The following GPR3 variants were observed in gnomAD, a reference collection of about 807,000 sequenced individuals.
GPR3 encodes the protein G protein-coupled receptor 3.
Under a neutral mutation model 18.2 loss-of-function variants are expected in GPR3, and 16 were observed. That is an observed-to-expected ratio of 0.88 (90% CI 0.60 to 1.34). GPR3 has a LOEUF of 1.34. Among genes scored for constraint, GPR3 ranks in the 40% most tolerant of loss-of-function variants. The pLI is 0.00. For missense variants in GPR3, 326 were observed against 427.6 expected (o/e 0.76, Z 2.10); for synonymous variants, 183 against 188.9 (o/e 0.97, Z 0.26).
Position 27,395,024 on chromosome 1 carries a change from AGCTGGG to A in GPR3, c.*234_*239del, listed in dbSNP as rs3838399. ...TCTACTCAGAAATGTCTCACAGCCC[AGCTGGG>A]TTGCAATTCCAGAATGCTGGGAGTT... On this transcript the variant is annotated 3_prime_UTR_variant, in exon 2 of 2. Transcript: ENST00000374024. 195 of 515,192 alleles carry A rather than the reference AGCTGGG, an allele frequency of 3.8e-4. No individual in the cohort carries two copies. The East Asian group carries it at 5.9e-3, about 16-fold the overall frequency. The allele number at this position is 515,192 out of a possible 1,614,324, so 31.9% of individuals were successfully genotyped here. A position where few individuals can be genotyped will look rare whatever the true frequency, so the allele number is the denominator to read the frequency against.
intron 1 of GPR3, among the ~76,000 whole-genome samples, chr1:27,393,580 G>T (rs1476182460): frequency 6.6e-6 from 1 of 152,178 alleles, no homozygotes; most frequent in South Asian, 2.1e-4. Flanking sequence ...TCCCCAGGAA[G>T]AGACCCCTGT....
In GPR3 at chr1:27,395,627, C is replaced by G. The variant is rs2148086623; in HGVS notation, c.*836C>G. 6.0e-6 allele frequency: 1 copy of G among 167,228 alleles called. No individual in the cohort carries two copies. The highest frequency in any genetic ancestry group is 2.1e-4 in the South Asian group (1 of 4,830). 10.4% of individuals were successfully genotyped at this position (167,228 alleles called of 1,614,324 possible). On this transcript the variant is annotated 3_prime_UTR_variant, in exon 2 of 2. Coordinates refer to ENST00000374024, the MANE Select transcript of GPR3 (RefSeq NM_005281.4). ...GGCAGCTGGGACCAGAATGCAACCCCAGCTCCACTCCAGCCTGGCGTCCAG... is the reference window on the plus strand; with the variant it reads ...GGCAGCTGGGACCAGAATGCAACCCGAGCTCCACTCCAGCCTGGCGTCCAG...
In GPR3 at chr1:27,392,662, G is replaced by A. The variant is rs1571106134; in HGVS notation, c.-81G>A. 6.6e-6 allele frequency: 1 copy of A among 152,060 alleles called. No homozygotes were observed. Among genetic ancestry groups the A allele is most frequent in the Admixed American group, 6.5e-5 (1 of 15,272 alleles). The allele number at this position is 152,060 out of a possible 1,614,324, so 9.4% of individuals were successfully genotyped here. A position where few individuals can be genotyped will look rare whatever the true frequency, so the allele number is the denominator to read the frequency against. ...TCTCCCGCGGCCGCGGGGGCTTCTC[G>A]GGGTCCACGCACGCCCTGCGCCGCC... On this transcript the variant is annotated 5_prime_UTR_variant, in exon 1 of 2. Coordinates refer to ENST00000374024, the MANE Select transcript of GPR3 (RefSeq NM_005281.4).
At position 27,392,727 on chromosome 1, in the gene GPR3, G is replaced by C. The variant is rs929237974; in HGVS notation, c.-16G>C. On this transcript the variant is annotated 5_prime_UTR_variant, in exon 1 of 2. Coordinates refer to ENST00000374024, the MANE Select transcript of GPR3 (RefSeq NM_005281.4). ...GCCTCCCCGCGGCCCGGCCGCGCCTGGTCCTGAGCGGTGAGTAGCGGGCCC... is the reference window on the plus strand; with the variant it reads ...GCCTCCCCGCGGCCCGGCCGCGCCTCGTCCTGAGCGGTGAGTAGCGGGCCC... 6.6e-6 allele frequency: 1 copy of C among 152,138 alleles called. No individual in the cohort carries two copies. The highest frequency in any genetic ancestry group is 2.4e-5 in the African/African-American group (1 of 41,446). 9.4% of individuals were successfully genotyped at this position (152,138 alleles called of 1,614,324 possible).
At position 27,395,247 on chromosome 1, in the gene GPR3, T is replaced by C. The variant is rs1174474399; in HGVS notation, c.*456T>C. 5.8e-6 allele frequency: 1 copy of C among 172,642 alleles called. No individual in the cohort carries two copies. Among genetic ancestry groups the C allele is most frequent in the African/African-American group, 2.4e-5 (1 of 41,510 alleles). 10.7% of individuals were successfully genotyped at this position (172,642 alleles called of 1,614,324 possible). A position where few individuals can be genotyped will look rare whatever the true frequency, so the allele number is the denominator to read the frequency against. ...TATTTATGATTGATTTATTTATTTA[T>C]AAATTTACTTATGGGTGGTAAGGGG... On this transcript the variant is annotated 3_prime_UTR_variant, in exon 2 of 2. Transcript: ENST00000374024.
At chr1:27,393,629 T>C (rs1459771991) in intron 1 of GPR3, among the ~76,000 whole-genome samples, 165 bp from the exon 2 acceptor site, 1 of 152,096 alleles carries the variant, frequency 6.6e-6, no homozygotes, top group African/African-American at 2.4e-5. Flanking sequence ...AGCGGTATCC[T>C]GGGAAGAGCC....
rs1316710052 is a variant in GPR3, at chr1:27,394,339, C to T, written c.541C>T (p.Leu181=). Residue 181 remains leucine (L), a synonymous_variant, in exon 2 of 2, where the codon CTG becomes TTG. Transcript: ENST00000374024. ...PVLAWNCLDG[L]TTCGVVYPLS... ...GCTGGCCTGGAACTGCCTGGATGGC[C>T]TGACCACATGTGGCGTGGTTTATCC... 1.2e-6 allele frequency: 2 copies of T among 1,613,930 alleles called. No homozygotes were observed. Among genetic ancestry groups the T allele is most frequent in the Non-Finnish European group, 1.7e-6 (2 of 1,180,042 alleles).
In GPR3 at chr1:27,394,490, G is replaced by T. The variant is rs762625254; in HGVS notation, c.692G>T (p.Arg231Leu). 6.2e-7 allele frequency: 1 copy of T among 1,613,956 alleles called. No individual in the cohort carries two copies. The highest frequency in any genetic ancestry group is 8.5e-7 in the Non-Finnish European group (1 of 1,180,040). The change falls in exon 2 of 2, where the codon CGG (arginine) becomes CTG (leucine). Residue 231 changes from arginine (R) to leucine (L), a missense_variant. Physicochemically the swap from Arg to Leu is moderately radical, Grantham distance 102. Coordinates refer to ENST00000374024, the MANE Select transcript of GPR3 (RefSeq NM_005281.4). The part of the protein sequence containing the change: ...CRHAQQIALQ[R>L]HLLPASHYVA... ...CATGCCCAGCAGATTGCCCTTCAGC[G>T]GCACCTGCTGCCTGCCTCCCACTAT...
rs1286074547 is a variant in GPR3 at position 27,394,959 on chromosome 1, AGCTG to A, written c.*172_*175del. ...TCTGTTCAGATCCCTATGGGGGCCC[AGCTG>A]GCTCCACGGTTCCAGAATGTTCAGG... On this transcript the variant is annotated 3_prime_UTR_variant, in exon 2 of 2. Coordinates refer to ENST00000374024, the MANE Select transcript of GPR3 (RefSeq NM_005281.4). 1 of 676,814 alleles carries A rather than the reference AGCTG, an allele frequency of 1.5e-6. No individual in the cohort carries two copies. The highest frequency in any genetic ancestry group is 2.5e-6 in the Non-Finnish European group (1 of 394,408). The allele number at this position is 676,814 out of a possible 1,614,324, so 41.9% of individuals were successfully genotyped here.
intron 1 of GPR3, 111 bp from the exon 2 acceptor site, chr1:27,393,683 T>C: frequency 1.1e-6 from 1 of 884,452 alleles, no homozygotes; most frequent in Non-Finnish European, 1.7e-6. Context: ...CCCTATCAGG[T>C]ATCCTGAGGA....
At position 27,395,096 on chromosome 1, in the gene GPR3, A is replaced by C; in HGVS notation, c.*305A>C. 2.5e-6 allele frequency: 1 copy of C among 401,176 alleles called. No homozygotes were observed. 24.9% of individuals were successfully genotyped at this position (401,176 alleles called of 1,614,324 possible). On this transcript the variant is annotated 3_prime_UTR_variant, in exon 2 of 2. Coordinates refer to ENST00000374024, the MANE Select transcript of GPR3 (RefSeq NM_005281.4). Reference sequence around the variant, plus strand: ...AAGTCCCAGATGTCCCTCTTCCCCCAAACTTGACCTTGACCATGTCACTTT... The same window carrying C: ...AAGTCCCAGATGTCCCTCTTCCCCCCAACTTGACCTTGACCATGTCACTTT...
chr1:27,393,190 A>G (rs1200951956), intron 1 of GPR3, among the ~76,000 whole-genome samples: 1 of 127,708 alleles, frequency 7.8e-6, no homozygotes, highest in Admixed American at 9.2e-5. Context: ...TTCAGGCGGA[A>G]AGAAGGGTCC....
In GPR3 at chr1:27,394,353, C is replaced by T. The variant is rs143627824; in HGVS notation, c.555C>T (p.Gly185=). 6.2e-6 allele frequency: 10 copies of T among 1,613,850 alleles called. No individual in the cohort carries two copies. The highest frequency in any genetic ancestry group is 1.1e-5 in the South Asian group (1 of 91,088). ...WNCLDGLTTC[G]VVYPLSKNHL... Reference sequence around the variant, plus strand: ...GCCTGGATGGCCTGACCACATGTGGCGTGGTTTATCCACTCTCCAAGAACC... The same window carrying T: ...GCCTGGATGGCCTGACCACATGTGGTGTGGTTTATCCACTCTCCAAGAACC... The change falls in exon 2 of 2, where the codon GGC becomes GGT. Residue 185 remains glycine, a synonymous_variant. Coordinates refer to ENST00000374024, the MANE Select transcript of GPR3 (RefSeq NM_005281.4).
Position 27,393,792 on chromosome 1 carries a change from A to G in GPR3, c.-5-2A>G. On this transcript the variant is annotated splice_acceptor_variant, in intron 1 of 1. Transcript: ENST00000374024. LOFTEE classifies it low-confidence loss of function (5UTR_SPLICE). ...GCTTCTCACAAGGCCTTTCTCCTGC[A>G]GGTACCATGATGTGGGGTGCAGGCA... The G allele has an allele frequency of 6.5e-7, 1 of 1,526,986 alleles. No homozygotes were observed. Among genetic ancestry groups the G allele is most frequent in the Non-Finnish European group, 8.8e-7 (1 of 1,136,648 alleles). 94.6% of individuals were successfully genotyped at this position (1,526,986 alleles called of 1,614,324 possible).
Position 27,393,805 on chromosome 1 carries a change from T to TG in GPR3, c.11dup (p.Ala5CysfsTer37). 6.5e-7 allele frequency: 1 copy of TG among 1,533,332 alleles called. No individual in the cohort carries two copies. The highest frequency in any genetic ancestry group is 8.8e-7 in the Non-Finnish European group (1 of 1,139,358). The allele number at this position is 1,533,332 out of a possible 1,614,324, so 95.0% of individuals were successfully genotyped here. A position where few individuals can be genotyped will look rare whatever the true frequency, so the allele number is the denominator to read the frequency against. Reference sequence around the variant, plus strand: ...CCTTTCTCCTGCAGGTACCATGATGTGGGGTGCAGGCAGCCCTCTGGCCTG... The same window carrying TG: ...CCTTTCTCCTGCAGGTACCATGATGTGGGGGTGCAGGCAGCCCTCTGGCCTG... On this transcript the variant is annotated frameshift_variant, in exon 2 of 2. Coordinates refer to ENST00000374024, the MANE Select transcript of GPR3 (RefSeq NM_005281.4). LOFTEE classifies it high-confidence loss of function.
rs1247535324 is a variant in GPR3 at position 27,395,209 on chromosome 1, CAA to C, written c.*420_*421del. 5.2e-6 allele frequency: 1 copy of C among 192,636 alleles called. No individual in the cohort carries two copies. The highest frequency in any genetic ancestry group is 1.2e-5 in the Non-Finnish European group (1 of 83,796). 11.9% of individuals were successfully genotyped at this position (192,636 alleles called of 1,614,324 possible). A position where few individuals can be genotyped will look rare whatever the true frequency, so the allele number is the denominator to read the frequency against. On this transcript the variant is annotated 3_prime_UTR_variant, in exon 2 of 2. Transcript: ENST00000374024. ...GAGAAAGATTATATATGCACATATA[CAA>C]AGACAGTGTCTATTTATGATTGATT...
Position 27,393,882 on chromosome 1 carries a change from G to A in GPR3, c.84G>A (p.Glu28=). Residue 28 remains glutamate (E), a synonymous_variant, in exon 2 of 2, where the codon GAG becomes GAA. Transcript: ENST00000374024. ...ATGTAAGCAGCGTGGGCCCAGCAGA[G>A]GGGCCCACAGGTCCAGCCGCACCAC... The part of the protein sequence containing the change: ...NVNVSSVGPA[E]GPTGPAAPLP... The A allele has an allele frequency of 6.2e-7, 1 of 1,606,388 alleles. No homozygotes were observed. Among genetic ancestry groups the A allele is most frequent in the Non-Finnish European group, 8.5e-7 (1 of 1,175,886 alleles).
Position 27,393,130 on chromosome 1 carries a change from A to C in GPR3, c.-6+393A>C, listed in dbSNP as rs1300724590. Among the ~76,000 whole-genome samples the C allele has an allele frequency of 2.0e-5, 3 of 150,070 alleles. No individual in the cohort carries two copies. The Admixed American group carries it at 2.0e-4, about 10-fold the overall frequency. Reference sequence around the variant, plus strand: ...GTGTCCGGGCAGAAGGAGGCATCTGACTCAGGGATCCAGTCTTCCAGCAGG... The same window carrying C: ...GTGTCCGGGCAGAAGGAGGCATCTGCCTCAGGGATCCAGTCTTCCAGCAGG... On this transcript the variant is annotated intron_variant, in intron 1 of 1. Coordinates refer to ENST00000374024, the MANE Select transcript of GPR3 (RefSeq NM_005281.4).
chr1:27,394,697 G>C lies in GPR3; in HGVS notation c.899G>C (p.Arg300Pro), dbSNP rs541665312. The change falls in exon 2 of 2, where the codon CGC becomes CCC. Residue 300 changes from arginine to proline, a missense_variant. Coordinates refer to ENST00000374024, the MANE Select transcript of GPR3 (RefSeq NM_005281.4). ...ATCAACCCTATCATCTACGCCTTCCGCAACCAGGATGTGCAGAAAGTGCTG... is the reference window on the plus strand; with the variant it reads ...ATCAACCCTATCATCTACGCCTTCCCCAACCAGGATGTGCAGAAAGTGCTG... Reference protein sequence around the residue: ...SMINPIIYAFRNQDVQKVLWA... With the variant: ...SMINPIIYAFPNQDVQKVLWA... 2.0e-4 allele frequency: 327 copies of C among 1,614,086 alleles called. 4 individuals are homozygous for C. The South Asian group carries it at 3.1e-3, about 15-fold the overall frequency.
Sources: allele counts gnomAD v4.1 joint callset (sites outside exome capture counted in the v4.1 genomes callset), GRCh38; gene constraint gnomAD v4.1.1; transcripts MANE v1.5; gene names NCBI Gene and HGNC (gene_info 2026-07-23, HGNC 2026-07-21).